SIMC1: variants seen among roughly 807,000 people sequenced by gnomAD.
The protein encoded by SIMC1 is SUMO interacting motifs containing 1.
In SIMC1, 55 loss-of-function variants were observed where a neutral mutation model predicts 82.3. The ratio of observed to expected loss-of-function variants is 0.67; its 90% CI spans 0.54 to 0.84. The LOEUF (loss-of-function observed/expected upper bound fraction) is 0.84. Among genes scored for constraint, SIMC1 ranks in the 40% least tolerant of loss-of-function variants. The probability of loss-of-function intolerance (pLI) is 0.00; values close to 1 mark genes in which losing one functional copy is unlikely to be tolerated. For synonymous variants in SIMC1, 353 were observed against 426.3 expected (o/e 0.83, Z 2.12); for missense variants, 915 against 1,107.2 (o/e 0.83, Z 2.46).
intron 4 of SIMC1, 110 bp from the exon 5 acceptor site, chr5:176,313,581 A>T: frequency 6.4e-7 from 1 of 1,559,082 alleles, no homozygotes; most frequent in Admixed American, 1.8e-5. Flanking sequence ...GCACAGGCAT[A>T]CTTGTTGATG....
At chr5:176,342,871 C>T (rs1401800893) in intron 9 of SIMC1, among the ~76,000 whole-genome samples, 3 of 152,190 alleles carry the variant, frequency 2.0e-5, no homozygotes, top group African/African-American at 7.2e-5. Flanking sequence ...ATCAGGCTTC[C>T]TGCAACTAGA....
intron 1 of SIMC1, among the ~76,000 whole-genome samples, chr5:176,286,517 C>T (rs918563197): frequency 6.6e-6 from 1 of 152,176 alleles, no homozygotes; most frequent in African/African-American, 2.4e-5. Context: ...AATGTTAGAT[C>T]TAAAAGCATA....
intron 1 of SIMC1, among the ~76,000 whole-genome samples, chr5:176,253,053 C>G (rs1761738316): frequency 6.6e-6 from 1 of 152,188 alleles, no homozygotes; most frequent in Non-Finnish European, 1.5e-5. Flanking sequence ...GCAGGAGAAT[C>G]AGGCAGGGAG....
At chr5:176,300,447 T>C (rs1172496947) in intron 4 of SIMC1, among the ~76,000 whole-genome samples, 1 of 151,820 alleles carries the variant, frequency 6.6e-6, no homozygotes. Context: ...GCCTCTCAAG[T>C]AGCTGGGAAA....
intron 1 of SIMC1, among the ~76,000 whole-genome samples, chr5:176,278,911 C>CT (rs1241806288): frequency 6.6e-6 from 1 of 151,666 alleles, no homozygotes; most frequent in East Asian, 1.9e-4. Flanking sequence ...CTAAAAGTCT[C>CT]TTTTTTGGTT....
intron 7 of SIMC1, among the ~76,000 whole-genome samples, chr5:176,332,042 A>G (rs1765693657): frequency 6.6e-6 from 1 of 152,150 alleles, no homozygotes; most frequent in South Asian, 2.1e-4. Flanking sequence ...ATACAAAAAG[A>G]TAAGAAAAAA....
intron 1 of SIMC1, among the ~76,000 whole-genome samples, chr5:176,285,129 T>G (rs1245831897): frequency 6.6e-6 from 1 of 152,182 alleles, no homozygotes; most frequent in African/African-American, 2.4e-5. Context: ...CCTCCCTAAC[T>G]CATTTTATGA....
At position 176,277,610 on chromosome 5, in the gene SIMC1, T is replaced by C. The variant is rs567812070; in HGVS notation, c.130-12044T>C. On this transcript the variant is annotated intron_variant, in intron 1 of 9. Coordinates refer to ENST00000429602, the MANE Select transcript of SIMC1 (RefSeq NM_001308195.2). ...TAACGTTTAAGTCTTTAATCTATCT[T>C]GAATTGATTTTTGTATAAGGTGTAA... 7.7e-4 allele frequency among the ~76,000 whole-genome samples: 117 copies of C among 152,216 alleles called. 2 individuals are homozygous for C. Among genetic ancestry groups the C allele is most frequent in the African/African-American group, 2.7e-3 (113 of 41,466 alleles).
At chr5:176,274,744 A>C (rs377598275) in intron 1 of SIMC1, among the ~76,000 whole-genome samples, 14 of 151,844 alleles carry the variant, frequency 9.2e-5, no homozygotes, top group African/African-American at 3.4e-4. Flanking sequence ...TTTTCCCAGC[A>C]CCATTTATTA....
chr5:176,257,901 A>G (rs1761899669), intron 1 of SIMC1, among the ~76,000 whole-genome samples: 1 of 152,122 alleles, frequency 6.6e-6, no homozygotes, highest in Admixed American at 6.5e-5. Flanking sequence ...GCCAGTAGTA[A>G]CCCCTCAACT....
chr5:176,247,681 C>A (rs564930501), intron 1 of SIMC1, among the ~76,000 whole-genome samples: 8 of 152,110 alleles, frequency 5.3e-5, no homozygotes, highest in South Asian at 4.2e-4. Flanking sequence ...AAGTCTTTGC[C>A]CATGCCTATG....
intron 4 of SIMC1, among the ~76,000 whole-genome samples, chr5:176,307,861 T>A (rs1764494526): frequency 6.6e-6 from 1 of 152,190 alleles, no homozygotes; most frequent in Non-Finnish European, 1.5e-5. Flanking sequence ...GAACATAAAT[T>A]TATTTGCCCT....
intron 1 of SIMC1, among the ~76,000 whole-genome samples, chr5:176,280,648 C>T (rs995096584): frequency 6.6e-6 from 1 of 152,120 alleles, no homozygotes; most frequent in African/African-American, 2.4e-5. Flanking sequence ...CAAAATCTCT[C>T]AGCATTTGCT....
At chr5:176,245,973 A>G (rs1761423341) in intron 1 of SIMC1, among the ~76,000 whole-genome samples, 1 of 148,516 alleles carries the variant, frequency 6.7e-6, no homozygotes, top group African/African-American at 2.5e-5. Flanking sequence ...GTGCATAATA[A>G]TCCTCCCTTC....
chr5:176,240,917 T>C lies in SIMC1; in HGVS notation c.129+2280T>C, dbSNP rs1181963963. Among the ~76,000 whole-genome samples the C allele has an allele frequency of 2.2e-5, 2 of 92,198 alleles. 1 individual carries two copies. Among genetic ancestry groups the C allele is most frequent in the Admixed American group, 2.1e-4 (2 of 9,656 alleles). The allele number at this position is 92,198 out of a possible 152,430, so 60.5% of individuals were successfully genotyped here. On this transcript the variant is annotated intron_variant, in intron 1 of 9. Transcript: ENST00000429602. ...TATAAATGATAGCTTTTGCCACTTT[T>C]TGTGTTGTTTCTAAGCCCAGGCCTG...
At chr5:176,272,535 G>T (rs548296909) in intron 1 of SIMC1, among the ~76,000 whole-genome samples, 13 of 152,340 alleles carry the variant, frequency 8.5e-5, no homozygotes, top group African/African-American at 3.1e-4. Context: ...CAGAAGACGG[G>T]TGATGTCTGC....
intron 1 of SIMC1, among the ~76,000 whole-genome samples, chr5:176,273,083 G>T (rs905806457): frequency 2.6e-5 from 4 of 152,210 alleles, no homozygotes; most frequent in African/African-American, 9.7e-5. Context: ...GAAGAGAGTA[G>T]TGGTTCTCCC....
At chr5:176,270,278 A>G (rs1561680995) in intron 1 of SIMC1, 2 of 152,150 alleles carry the variant, frequency 1.3e-5, no homozygotes, top group Non-Finnish European at 2.9e-5. Flanking sequence ...GCTCTTCCCA[A>G]TTTAAACTCT....
At chr5:176,336,651 TG>T in intron 7 of SIMC1, 68 bp from the exon 8 acceptor site, 1 of 1,568,038 alleles carries the variant, frequency 6.4e-7, no homozygotes, top group African/African-American at 1.4e-5. Flanking sequence ...ACATTCAGGG[TG>T]AATTGTGGCT....
Sources: gnomAD v4.1 joint callset for allele counts (sites outside exome capture counted in the v4.1 genomes callset) on GRCh38, gnomAD v4.1.1 for gene constraint, MANE v1.5 for transcripts, NCBI Gene and HGNC (gene_info 2026-07-23, HGNC 2026-07-21) for gene names.